Variants in ILDR1 observed in about 807,000 individuals in gnomAD.
ILDR1 encodes immunoglobulin-like domain-containing receptor 1.
In ILDR1, 56 loss-of-function variants were observed where a neutral mutation model predicts 62.4. That is an observed-to-expected ratio of 0.90 (90% confidence interval 0.72 to 1.12). ILDR1 has a LOEUF of 1.12. ILDR1 is among the 50% of genes most tolerant of loss of function. The probability of loss-of-function intolerance (pLI) is 0.00; values close to 1 mark genes in which losing one functional copy is unlikely to be tolerated. For synonymous variants in ILDR1, 284 were observed against 277.8 expected (o/e 1.02, Z -0.22); for missense variants, 736 against 710.6 (o/e 1.04, Z -0.41).
intron 5 of ILDR1, among the ~76,000 whole-genome samples, chr3:121,997,152 C>T (rs925201891): frequency 3.9e-5 from 6 of 152,176 alleles, no homozygotes; most frequent in South Asian, 2.1e-4. Context: ...CTGCCTGCCT[C>T]GGCCTCCCAA....
the ILDR1 span, among the ~76,000 whole-genome samples, chr3:122,043,031 G>A: frequency 6.9e-6 from 1 of 145,624 alleles, no homozygotes; most frequent in African/African-American, 2.6e-5. Flanking sequence ...TTTTCTTCTA[G>A]GGTTTTTATG....
At chr3:122,042,759 G>T in the ILDR1 span, among the ~76,000 whole-genome samples, 1 of 151,880 alleles carries the variant, frequency 6.6e-6, no homozygotes, top group South Asian at 2.1e-4. Flanking sequence ...TTTTGATGGG[G>T]TTGTTTGTTT....
chr3:122,050,802 T>C, the ILDR1 span, among the ~76,000 whole-genome samples: 1 of 152,210 alleles, frequency 6.6e-6, no homozygotes, highest in Non-Finnish European at 1.5e-5. Flanking sequence ...TCAAGGACTC[T>C]CTTTAGCATT....
rs532937859 is a variant in ILDR1, at chr3:122,003,407, C to T, written c.380-1543G>A. 1.9e-3 allele frequency among the ~76,000 whole-genome samples: 284 copies of T among 152,246 alleles called. 4 individuals carry two copies. The highest frequency in any genetic ancestry group is 3.4e-3 in the Non-Finnish European group (231 of 68,012). ...ACTACCTTTCCCAGAAATAAGCTTA[C>T]CCCAGACTTGGAAAAATGATGAAAG... On this transcript the variant is annotated intron_variant, in intron 3 of 7. Coordinates refer to ENST00000344209, the MANE Select transcript of ILDR1 (RefSeq NM_001199799.2).
At chr3:121,991,137 T>A (rs2071338549) in intron 7 of ILDR1, among the ~76,000 whole-genome samples, 1 of 151,932 alleles carries the variant, frequency 6.6e-6, no homozygotes, top group Non-Finnish European at 1.5e-5. Flanking sequence ...GAGGCAGAGG[T>A]TGCAGAGAGC....
At chr3:122,001,090 G>A (rs2071517344) in intron 5 of ILDR1, among the ~76,000 whole-genome samples, 1 of 152,182 alleles carries the variant, frequency 6.6e-6, no homozygotes, top group Admixed American at 6.5e-5. Flanking sequence ...GATGCTTTAG[G>A]CAGCCTGAGG....
the ILDR1 span, among the ~76,000 whole-genome samples, chr3:122,045,573 C>A: frequency 6.7e-6 from 1 of 149,150 alleles, no homozygotes; most frequent in Non-Finnish European, 1.5e-5. Flanking sequence ...GTAGGTCACT[C>A]AGGACTTGCT....
At chr3:122,002,779 C>T (rs750674244) in intron 3 of ILDR1, among the ~76,000 whole-genome samples, 4 of 152,108 alleles carry the variant, frequency 2.6e-5, no homozygotes, top group Non-Finnish European at 4.4e-5. Flanking sequence ...CATCCCCACA[C>T]CCTCCAACAG....
the ILDR1 span, among the ~76,000 whole-genome samples, chr3:122,044,907 C>G: frequency 6.7e-6 from 1 of 148,904 alleles, no homozygotes; most frequent in Non-Finnish European, 1.5e-5. Context: ...TTTTTTGTGT[C>G]TCTATTTCCT....
chr3:122,012,092 T>C (rs2071712595), intron 1 of ILDR1, among the ~76,000 whole-genome samples: 1 of 152,178 alleles, frequency 6.6e-6, no homozygotes, highest in Non-Finnish European at 1.5e-5. Context: ...ACAGTCCATC[T>C]CAAAGGCAAA....
At chr3:122,028,468 A>C in the ILDR1 span, among the ~76,000 whole-genome samples, 1 of 152,202 alleles carries the variant, frequency 6.6e-6, no homozygotes, top group African/African-American at 2.4e-5. Context: ...ATTAAATTAA[A>C]AAGTTCTATA....
the ILDR1 span, among the ~76,000 whole-genome samples, chr3:122,042,616 G>T: frequency 6.6e-6 from 1 of 151,488 alleles, no homozygotes; most frequent in Non-Finnish European, 1.5e-5. Context: ...ATTCTAACTG[G>T]TGTGAGATGG....
At chr3:122,033,939 T>C in the ILDR1 span, among the ~76,000 whole-genome samples, 7 of 152,336 alleles carry the variant, frequency 4.6e-5, no homozygotes, top group East Asian at 1.2e-3. Flanking sequence ...ATTTTTCTTC[T>C]TTAAGAATGA....
intron 1 of ILDR1, among the ~76,000 whole-genome samples, chr3:122,011,675 T>TCTC (rs1491260257): frequency 2.6e-4 from 10 of 37,784 alleles, no homozygotes; most frequent in Admixed American, 1.4e-3. Context: ...TCTCTCTCTC[T>TCTC]TTCACACACA....
intron 1 of ILDR1, 138 bp from the exon 2 acceptor site, chr3:122,007,299 T>G: frequency 3.9e-6 from 6 of 1,545,178 alleles, no homozygotes; most frequent in Non-Finnish European, 5.2e-6. Context: ...GTCTGGGTTC[T>G]TACTCACCTG....
At chr3:122,016,841 A>C (rs2071783246) in intron 1 of ILDR1, among the ~76,000 whole-genome samples, 2 of 152,214 alleles carry the variant, frequency 1.3e-5, no homozygotes, top group Admixed American at 1.3e-4. Context: ...AGATGCTTAA[A>C]GTAGGCTAGT....
chr3:122,045,710 C>A, the ILDR1 span, among the ~76,000 whole-genome samples: 94 of 149,070 alleles, frequency 6.3e-4, no homozygotes, highest in East Asian at 0.01. Flanking sequence ...GTTGGTTTAA[C>A]GTCTGTTTTA....
intron 1 of ILDR1, among the ~76,000 whole-genome samples, chr3:122,010,270 G>A (rs913675580): frequency 6.6e-6 from 1 of 152,136 alleles, no homozygotes; most frequent in Admixed American, 6.5e-5. Context: ...GAGGTGGGGC[G>A]ATGGGGTGAA....
At chr3:122,026,156 T>C (rs1000995697), upstream of ILDR1, among the ~76,000 whole-genome samples, 1 of 152,194 alleles carries the variant, frequency 6.6e-6, no homozygotes, top group Non-Finnish European at 1.5e-5. Flanking sequence ...TAAGACTTCA[T>C]GCAGGAGACA....
Sources: allele counts gnomAD v4.1 joint callset (sites outside exome capture counted in the v4.1 genomes callset), GRCh38; gene constraint gnomAD v4.1.1; transcripts MANE v1.5; gene names NCBI Gene and HGNC (gene_info 2026-07-23, HGNC 2026-07-21).